Variants in DNAH12 observed in about 807,000 individuals in gnomAD.
DNAH12 encodes dynein axonemal heavy chain 12.
DNAH12 carries 285 observed loss-of-function variants against 371.5 expected under a neutral mutation model. The observed-to-expected ratio is 0.77, with a 90% confidence interval of 0.70 to 0.85. The LOEUF (loss-of-function observed/expected upper bound fraction) is 0.85. Ranked by LOEUF, DNAH12 falls within the 40% of genes least tolerant of loss-of-function variation. The pLI is 0.00. For missense variants in DNAH12, 3,611 were observed against 3,689.4 expected (o/e 0.98, Z 0.55); for synonymous variants, 1,200 against 1,213.0 (o/e 0.99, Z 0.22).
chr3:57,421,963 G>A (rs938439142), intron 35 of DNAH12, among the ~76,000 whole-genome samples: 2 of 138,424 alleles, frequency 1.4e-5, no homozygotes, highest in African/African-American at 5.7e-5. Context: ...CTGGAGTACA[G>A]TGGCACCATC....
In DNAH12 at chr3:57,357,833, C is replaced by G. The variant is rs986732873; in HGVS notation, c.9361-485G>C. Reference sequence around the variant, plus strand: ...TTAACTCGTGTACTGGAACCCAGCACAGTCTGGCAAAGTAGGTATTCAAAA... The same window carrying G: ...TTAACTCGTGTACTGGAACCCAGCAGAGTCTGGCAAAGTAGGTATTCAAAA... On this transcript the variant is annotated intron_variant, in intron 58 of 73. Coordinates refer to ENST00000495027, the MANE Select transcript of DNAH12 (RefSeq NM_001366028.2). 8.6e-3 allele frequency among the ~76,000 whole-genome samples: 1,306 copies of G among 152,238 alleles called. 9 individuals carry two copies. The highest frequency in any genetic ancestry group is 0.03 in the African/African-American group (1,243 of 41,558).
intron 66 of DNAH12, among the ~76,000 whole-genome samples, chr3:57,314,166 A>G (rs62252050): frequency 0.23 from 35,212 of 152,120 alleles, 4,374 homozygotes; most frequent in African/African-American, 0.28. Context: ...CAACACTGAC[A>G]ATGGCACTGC....
intron 29 of DNAH12, among the ~76,000 whole-genome samples, chr3:57,443,590 G>A (rs1575606481): frequency 6.6e-6 from 1 of 151,320 alleles, no homozygotes; most frequent in Admixed American, 6.6e-5. Flanking sequence ...ATATATTTAA[G>A]GTGCAACATG....
chr3:57,345,548 G>C (rs1440393828), intron 60 of DNAH12, among the ~76,000 whole-genome samples: 25 of 152,160 alleles, frequency 1.6e-4, no homozygotes, highest in African/African-American at 5.8e-4. Flanking sequence ...CTCTTGAGAT[G>C]ATGAGCATCA....
intron 60 of DNAH12, among the ~76,000 whole-genome samples, chr3:57,337,680 G>A (rs1311203746): frequency 6.6e-6 from 1 of 150,710 alleles, no homozygotes; most frequent in Non-Finnish European, 1.5e-5. Context: ...ATATATGTGT[G>A]TATATATATA....
chr3:57,455,840 G>T (rs185500138), intron 22 of DNAH12, among the ~76,000 whole-genome samples: 1 of 152,040 alleles, frequency 6.6e-6, no homozygotes, highest in East Asian at 1.9e-4. Flanking sequence ...TATTCAAAAT[G>T]CATTTAAATG....
intron 43 of DNAH12, among the ~76,000 whole-genome samples, chr3:57,401,038 C>G (rs1019705292): frequency 6.6e-6 from 1 of 151,948 alleles, no homozygotes; most frequent in Non-Finnish European, 1.5e-5. Flanking sequence ...TGGTACAAAA[C>G]TAGAAATCAA....
chr3:57,350,494 T>G (rs1261855832), intron 60 of DNAH12, among the ~76,000 whole-genome samples: 3 of 152,116 alleles, frequency 2.0e-5, no homozygotes, highest in African/African-American at 7.2e-5. Context: ...AATGTAAAAT[T>G]TGACATTTCC....
chr3:57,321,034 T>C (rs1170823846), intron 65 of DNAH12, among the ~76,000 whole-genome samples: 1 of 152,102 alleles, frequency 6.6e-6, no homozygotes, highest in Non-Finnish European at 1.5e-5. Flanking sequence ...ACCCAAGGAG[T>C]GAGAATGCTT....
rs562491474 is a variant in DNAH12 at position 57,521,633 on chromosome 3, T to C, written c.279+1950A>G. ...CTGGGTGCGGTGGCTCCGCCTGTAATCCCAGCACTTTGGGAGGCCAAGGTG... is the reference window on the plus strand; with the variant it reads ...CTGGGTGCGGTGGCTCCGCCTGTAACCCCAGCACTTTGGGAGGCCAAGGTG... On this transcript the variant is annotated intron_variant, in intron 4 of 73. Coordinates refer to ENST00000495027, the MANE Select transcript of DNAH12 (RefSeq NM_001366028.2). Among the ~76,000 whole-genome samples the C allele has an allele frequency of 3.3e-5, 5 of 152,362 alleles. No individual in the cohort carries two copies. In the South Asian group the frequency reaches 1.0e-3, roughly 32 times the overall value.
intron 25 of DNAH12, among the ~76,000 whole-genome samples, chr3:57,446,904 T>A (rs1177334010): frequency 6.6e-6 from 1 of 152,244 alleles, no homozygotes; most frequent in Non-Finnish European, 1.5e-5. Flanking sequence ...ACTTGTCTTC[T>A]GACACTTTCA....
In DNAH12 at chr3:57,309,139, A is replaced by G. The variant is rs1171116344; in HGVS notation, c.11189+12T>C. ...AGTTGCCTTCTGAATCACTGGGGATATAGATCCTTACTTGTTAAATCTTTC... is the reference window on the plus strand; with the variant it reads ...AGTTGCCTTCTGAATCACTGGGGATGTAGATCCTTACTTGTTAAATCTTTC... On this transcript the variant is annotated intron_variant, in intron 69 of 73. Transcript: ENST00000495027. The G allele has an allele frequency of 6.6e-7, 1 of 1,509,244 alleles. No individual in the cohort carries two copies. The highest frequency in any genetic ancestry group is 2.2e-5 in the Admixed American group (1 of 46,300). 93.5% of individuals were successfully genotyped at this position (1,509,244 alleles called of 1,614,324 possible).
intron 62 of DNAH12, among the ~76,000 whole-genome samples, chr3:57,330,285 TC>T (rs1258156939): frequency 1.3e-5 from 2 of 151,526 alleles, no homozygotes; most frequent in African/African-American, 4.9e-5. Flanking sequence ...GCGGCACTAT[TC>T]ACAATAGCAA....
Position 57,415,524 on chromosome 3 carries a change from C to G in DNAH12, c.5755G>C (p.Val1919Leu), listed in dbSNP as rs1219774474. ...FVGPTGTGKS[V>L]YVKDKLMNHL... Reference sequence around the variant, plus strand: ...TTCATTAGCTTATCCTTCACATACACAGATTTTCCTGTACCCGTTGGACCC... The same window carrying G: ...TTCATTAGCTTATCCTTCACATACAGAGATTTTCCTGTACCCGTTGGACCC... Residue 1919 changes from valine (V) to leucine (L), a missense_variant, in exon 38 of 74, where the codon GTG becomes CTG. Coordinates refer to ENST00000495027, the MANE Select transcript of DNAH12 (RefSeq NM_001366028.2). 6.5e-7 allele frequency: 1 copy of G among 1,550,350 alleles called. No homozygotes were observed. Among genetic ancestry groups the G allele is most frequent in the Non-Finnish European group, 8.7e-7 (1 of 1,146,764 alleles).
chr3:57,457,242 T>C (rs1323993374), intron 22 of DNAH12, among the ~76,000 whole-genome samples: 1 of 152,212 alleles, frequency 6.6e-6, no homozygotes, highest in Non-Finnish European at 1.5e-5. Flanking sequence ...TGCAAACTCC[T>C]AACTGCCTTC....
chr3:57,361,276 G>T (rs1276201532), intron 58 of DNAH12, among the ~76,000 whole-genome samples: 1 of 151,490 alleles, frequency 6.6e-6, no homozygotes, highest in African/African-American at 2.4e-5. Flanking sequence ...CTTGAACCCG[G>T]AGGTGGATGT....
At chr3:57,303,092 C>T (rs992609017) in intron 69 of DNAH12, among the ~76,000 whole-genome samples, 1 of 151,668 alleles carries the variant, frequency 6.6e-6, no homozygotes, top group Non-Finnish European at 1.5e-5. Context: ...GTAATCCCAG[C>T]ACTTGGAGAG....
chr3:57,546,002 A>C (rs1284885670), upstream of DNAH12, among the ~76,000 whole-genome samples: 4 of 152,154 alleles, frequency 2.6e-5, no homozygotes, highest in Non-Finnish European at 5.9e-5. Flanking sequence ...GCTTCTAGGA[A>C]TCATCACTTC....
In DNAH12 at chr3:57,405,765, A is replaced by T; in HGVS notation, c.6464T>A (p.Ile2155Asn). 1 of 1,551,696 alleles carries T rather than the reference A, an allele frequency of 6.4e-7. No individual in the cohort carries two copies. The highest frequency in any genetic ancestry group is 8.7e-7 in the Non-Finnish European group (1 of 1,146,980). ...CAGCCATCTTCGATCATCATCATTA[A>T]TGAGGCGATCATAAAACACTCGGAG... ...EVLRVFYDRL[I>N]NDDDRRWLFQ... is the part of the protein sequence containing the mutation. The change falls in exon 41 of 74, where the codon ATT (isoleucine) becomes AAT (asparagine). Residue 2155 changes from isoleucine (I) to asparagine (N), a missense_variant. By Grantham distance (149) the Ile-to-Asn change is moderately radical. Around this residue, in one of 3 missense-constraint regions of DNAH12, gnomAD observed 2,266 missense variants for 2,236.9 expected, o/e 1.01. Transcript: ENST00000495027.
Sources: allele counts gnomAD v4.1 joint callset (sites outside exome capture counted in the v4.1 genomes callset), GRCh38; gene constraint gnomAD v4.1.1; regional missense constraint gnomAD v4.1.1; transcripts MANE v1.5; gene names NCBI Gene and HGNC (gene_info 2026-07-23, HGNC 2026-07-21).